COL13A1: variants seen among roughly 807,000 people sequenced by gnomAD.
The protein encoded by COL13A1 is collagen alpha-1(XIII) chain.
In COL13A1, 89 loss-of-function variants were observed where a neutral mutation model predicts 130.9. That is an observed-to-expected ratio of 0.68 (90% confidence interval 0.57 to 0.81). The LOEUF (loss-of-function observed/expected upper bound fraction) is 0.81, where lower values mean the gene tolerates loss of function less well. Among genes scored for constraint, COL13A1 ranks in the 30% least tolerant of loss-of-function variants. The probability of loss-of-function intolerance (pLI) is 0.00; values close to 1 mark genes in which losing one functional copy is unlikely to be tolerated. For synonymous variants in COL13A1, 402 were observed against 341.6 expected, an observed-to-expected ratio of 1.18 and a Z score of -1.95; for missense variants, 879 against 934.6, an observed-to-expected ratio of 0.94 and a Z score of 0.78.
chr10:69,844,095 G>C (rs556396658), intron 2 of COL13A1, among the ~76,000 whole-genome samples: 3 of 152,236 alleles, frequency 2.0e-5, no homozygotes, highest in African/African-American at 7.2e-5. Context: ...AGGGCTTCCC[G>C]GAAGAGGCGG....
At chr10:69,856,870 T>C (rs939033440) in intron 2 of COL13A1, among the ~76,000 whole-genome samples, 1 of 152,150 alleles carries the variant, frequency 6.6e-6, no homozygotes, top group African/African-American at 2.4e-5. Flanking sequence ...AGTTCAAGTG[T>C]GGAGACTCCA....
intron 1 of COL13A1, 67 bp from the exon 2 acceptor site, chr10:69,822,302 C>A: frequency 1.5e-6 from 2 of 1,306,810 alleles, no homozygotes; most frequent in South Asian, 1.5e-5. Flanking sequence ...CGTCAGCCCA[C>A]AGCTGCTTTC....
intron 27 of COL13A1, among the ~76,000 whole-genome samples, chr10:69,927,737 T>G (rs1044162334): frequency 6.6e-6 from 1 of 152,210 alleles, no homozygotes; most frequent in African/African-American, 2.4e-5. Context: ...TTCATGGCTG[T>G]GAGCCACAGA....
intron 3 of COL13A1, among the ~76,000 whole-genome samples, chr10:69,870,966 G>A (rs189569044): frequency 1.3e-5 from 2 of 152,262 alleles, no homozygotes; most frequent in East Asian, 1.9e-4. Context: ...ATGTGTCCTC[G>A]TAAGGGTGGC....
At chr10:69,868,491 A>C (rs1191952232) in intron 3 of COL13A1, among the ~76,000 whole-genome samples, 1 of 152,210 alleles carries the variant, frequency 6.6e-6, no homozygotes, top group African/African-American at 2.4e-5. Flanking sequence ...GCCTCCCTCA[A>C]GTAATGGATC....
chr10:69,919,355 AAG>A (rs1347191058), intron 20 of COL13A1, among the ~76,000 whole-genome samples: 1 of 152,212 alleles, frequency 6.6e-6, no homozygotes, highest in Non-Finnish European at 1.5e-5. Context: ...GTGTGACAAT[AAG>A]AGGTGTGACA....
At chr10:69,868,265 G>A (rs1028473329) in intron 3 of COL13A1, among the ~76,000 whole-genome samples, 2 of 152,190 alleles carry the variant, frequency 1.3e-5, no homozygotes, top group South Asian at 2.1e-4. Flanking sequence ...CCACACCCCT[G>A]AGTGGGGCAG....
At chr10:69,894,772 A>G (rs1376561952) in intron 12 of COL13A1, 71 bp downstream of exon 12, 7 of 1,583,738 alleles carry the variant, frequency 4.4e-6, no homozygotes, top group African/African-American at 2.7e-5. Context: ...AAAGGGGTCA[A>G]TTATGGTTAT....
At chr10:69,900,056 C>G (rs1374707520) in intron 14 of COL13A1, among the ~76,000 whole-genome samples, 1 of 152,172 alleles carries the variant, frequency 6.6e-6, no homozygotes, top group Non-Finnish European at 1.5e-5. Context: ...GCCAAATCCT[C>G]GAGAGCCTCC....
In COL13A1 at chr10:69,922,730, A is replaced by G. The variant is rs776108913; in HGVS notation, c.1166A>G (p.Asn389Ser). Residue 389 changes from asparagine (N) to serine (S), a missense_variant, in exon 23 of 41, where the codon AAC becomes AGC. Coordinates refer to ENST00000645393, the MANE Select transcript of COL13A1 (RefSeq NM_001368882.1). ...GQKGEKGDAG[N>S]SIGGGRGEPG... Reference sequence around the variant, plus strand: ...CAGGGAGAGAAAGGCGATGCTGGCAACTCCATTGGAGGAGGCAGAGGGGAA... The same window carrying G: ...CAGGGAGAGAAAGGCGATGCTGGCAGCTCCATTGGAGGAGGCAGAGGGGAA... The G allele has an allele frequency of 6.2e-7, 1 of 1,606,544 alleles. No homozygotes were observed. Among genetic ancestry groups the G allele is most frequent in the South Asian group, 1.1e-5 (1 of 88,952 alleles).
chr10:69,824,159 G>T (rs372923816), intron 2 of COL13A1: 9 of 472,124 alleles, frequency 1.9e-5, no homozygotes, highest in South Asian at 9.3e-5. Context: ...GAAAAACAGG[G>T]ACAATAGACA....
chr10:69,902,612 A>G (rs2062311165), intron 14 of COL13A1, 136 bp from the exon 15 acceptor site: 2 of 628,574 alleles, frequency 3.2e-6, no homozygotes, highest in Admixed American at 3.6e-5. Context: ...CCATCATGCC[A>G]CCGCTTCCTC....
intron 14 of COL13A1, among the ~76,000 whole-genome samples, chr10:69,899,547 A>T (rs1282735847): frequency 6.6e-6 from 1 of 152,150 alleles, no homozygotes; most frequent in Admixed American, 6.5e-5. Flanking sequence ...AGAAATGCAG[A>T]CTGCTTAGCA....
chr10:69,858,286 C>T (rs1439704476), intron 2 of COL13A1, among the ~76,000 whole-genome samples: 1 of 152,158 alleles, frequency 6.6e-6, no homozygotes, highest in Admixed American at 6.5e-5. Flanking sequence ...TGAGTGCTTA[C>T]TCTAAGCCAG....
At chr10:69,926,114 C>T in intron 26 of COL13A1, 1 of 512,832 alleles carries the variant, frequency 1.9e-6, no homozygotes, top group Non-Finnish European at 3.5e-6. Context: ...GCCCAGCTGG[C>T]CAGTTATCCT....
chr10:69,822,127 AT>A (rs1365719573), intron 1 of COL13A1, among the ~76,000 whole-genome samples: 8 of 152,308 alleles, frequency 5.3e-5, no homozygotes, highest in Non-Finnish European at 1.2e-4. Context: ...TTTGGGGTTA[AT>A]TTCTTTAAGA....
chr10:69,849,789 C>G (rs1406527135), intron 2 of COL13A1, among the ~76,000 whole-genome samples: 1 of 152,196 alleles, frequency 6.6e-6, no homozygotes, highest in Non-Finnish European at 1.5e-5. Flanking sequence ...ATGTCCCCAG[C>G]CACTTTCCAG....
At chr10:69,911,314 A>T (rs780841150) in intron 17 of COL13A1, among the ~76,000 whole-genome samples, 1 of 152,200 alleles carries the variant, frequency 6.6e-6, no homozygotes, top group Non-Finnish European at 1.5e-5. Context: ...AATTGTAACT[A>T]CCTTACTGGC....
At chr10:69,936,669 T>C in intron 32 of COL13A1, 87 bp from the exon 33 acceptor site, 2 of 1,541,802 alleles carry the variant, frequency 1.3e-6, no homozygotes, top group Non-Finnish European at 1.8e-6. Flanking sequence ...CCCAAAACCC[T>C]TGTTCTTCTG....
Sources: gnomAD v4.1 joint callset for allele counts (sites outside exome capture counted in the v4.1 genomes callset) on GRCh38, gnomAD v4.1.1 for gene constraint, MANE v1.5 for transcripts, NCBI Gene and HGNC (gene_info 2026-07-23, HGNC 2026-07-21) for gene names.